Variants in GALR1 observed in about 807,000 individuals in gnomAD.
The protein encoded by GALR1 is galanin receptor type 1.
GALR1 carries 11 observed loss-of-function variants against 17.9 expected under a neutral mutation model. That is an observed-to-expected ratio of 0.62 (90% CI 0.39 to 1.02). The LOEUF (loss-of-function observed/expected upper bound fraction) is 1.02. GALR1 is among the 50% of genes least tolerant of loss of function. GALR1 has a pLI of 0.01. For missense variants in GALR1, 441 were observed against 456.9 expected, an observed-to-expected ratio of 0.97 and a Z score of 0.32; for synonymous variants, 206 against 205.7, an observed-to-expected ratio of 1.00 and a Z score of -0.01.
chr18:77,269,013 C>A lies in GALR1; in HGVS notation c.*111C>A. 1 of 846,356 alleles carries A rather than the reference C, an allele frequency of 1.2e-6. No individual in the cohort carries two copies. The highest frequency in any genetic ancestry group is 1.7e-5 in the South Asian group (1 of 57,880). The allele number at this position is 846,356 out of a possible 1,614,324, so 52.4% of individuals were successfully genotyped here. A position where few individuals can be genotyped will look rare whatever the true frequency, so the allele number is the denominator to read the frequency against. On this transcript the variant is annotated 3_prime_UTR_variant, in exon 3 of 3. Coordinates refer to ENST00000299727, the MANE Select transcript of GALR1 (RefSeq NM_001480.4). The stretch of plus-strand genomic sequence containing the variant: ...GCAACTTGTTATCTTAACAAGAATT[C>A]AAGTCGTTTTAATTAAATCCCACGT...
intron 1 of GALR1, among the ~76,000 whole-genome samples, chr18:77,251,527 C>T (rs1912415942): frequency 6.6e-6 from 1 of 152,242 alleles, no homozygotes; most frequent in Non-Finnish European, 1.5e-5. Context: ...CCCTTCAACG[C>T]CCCCAGGTTG....
chr18:77,258,760 GGCAATTGTGATA>G (rs1912686217), intron 2 of GALR1, among the ~76,000 whole-genome samples: 6 of 92,506 alleles, frequency 6.5e-5, no homozygotes, highest in African/African-American at 2.4e-4. Context: ...TGGTGATGAT[GGCAATTGTGATA>G]GTGATGGTGG....
chr18:77,264,196 T>C (rs1181245568), intron 2 of GALR1, among the ~76,000 whole-genome samples: 6 of 141,542 alleles, frequency 4.2e-5, no homozygotes, highest in African/African-American at 1.3e-4. Context: ...TTTCCCCTCC[T>C]AGCAGTGTGG....
intron 2 of GALR1, among the ~76,000 whole-genome samples, chr18:77,264,637 G>T (rs1003704172): frequency 2.6e-5 from 4 of 152,146 alleles, no homozygotes; most frequent in African/African-American, 9.7e-5. Flanking sequence ...ACATACCCAA[G>T]ACTGGGTAAT....
chr18:77,250,478 A>AC lies in GALR1; in HGVS notation c.-66dup. ...GTGCTTTGCGCCGGGACCCCTGGCC[A>AC]CCCCCGGCGCCTACTATCCCGCCCT... On this transcript the variant is annotated 5_prime_UTR_variant, in exon 1 of 3. Transcript: ENST00000299727. 1 of 1,384,560 alleles carries AC rather than the reference A, an allele frequency of 7.2e-7. No individual in the cohort carries two copies. Among genetic ancestry groups the AC allele is most frequent in the Non-Finnish European group, 9.3e-7 (1 of 1,073,744 alleles). The allele number at this position is 1,384,560 out of a possible 1,614,324, so 85.8% of individuals were successfully genotyped here.
At chr18:77,267,656 G>T (rs181425141) in intron 2 of GALR1, among the ~76,000 whole-genome samples, 35 of 152,326 alleles carry the variant, frequency 2.3e-4, no homozygotes, top group African/African-American at 7.7e-4. Context: ...CTAGACTCCC[G>T]TAATTAAAGC....
At chr18:77,258,455 A>G (rs933088199) in intron 2 of GALR1, among the ~76,000 whole-genome samples, 4 of 148,682 alleles carry the variant, frequency 2.7e-5, no homozygotes, top group Non-Finnish European at 1.5e-5. Context: ...GGTGGTGGTG[A>G]TGATGGTGGT....
At chr18:77,258,527 GATGGTGGCGATT>G (rs1413518531) in intron 2 of GALR1, among the ~76,000 whole-genome samples, 1 of 149,120 alleles carries the variant, frequency 6.7e-6, no homozygotes, top group Non-Finnish European at 1.5e-5. Flanking sequence ...TCATTGTGGT[GATGGTGGCGATT>G]GTGGTGGTGA....
chr18:77,253,259 TA>T (rs1912513599), intron 1 of GALR1, among the ~76,000 whole-genome samples: 1 of 152,194 alleles, frequency 6.6e-6, no homozygotes, highest in Admixed American at 6.5e-5. Context: ...TTTTATTATT[TA>T]AGGAAAAAGA....
chr18:77,258,339 T>G (rs1269528907), intron 2 of GALR1, among the ~76,000 whole-genome samples: 1 of 152,252 alleles, frequency 6.6e-6, no homozygotes. Context: ...ATTTTCTTTT[T>G]CGTTTTCACA....
In GALR1 at chr18:77,272,023, T is replaced by TCAA. The variant is rs1913075654; in HGVS notation, c.*3121_*3122insCAA. 6.6e-6 allele frequency: 1 copy of TCAA among 152,232 alleles called. No homozygotes were observed. Among genetic ancestry groups the TCAA allele is most frequent in the Non-Finnish European group, 1.5e-5 (1 of 68,040 alleles). The allele number at this position is 152,232 out of a possible 1,614,324, so 9.4% of individuals were successfully genotyped here. A position where few individuals can be genotyped will look rare whatever the true frequency, so the allele number is the denominator to read the frequency against. ...ATACTTTAGGTAAATTACTTTTGCT[T>TCAA]TTAACTAAATTGTTTTATTTTACAC... On this transcript the variant is annotated 3_prime_UTR_variant, in exon 3 of 3. Coordinates refer to ENST00000299727, the MANE Select transcript of GALR1 (RefSeq NM_001480.4).
In GALR1 at chr18:77,251,049, C is replaced by T. The variant is rs139443605; in HGVS notation, c.501C>T (p.Ala167=). ...GCIWALSIAM[A]SPVAYHQGLF... The stretch of plus-strand genomic sequence containing the variant: ...TCTGGGCGCTGTCCATTGCCATGGC[C>T]TCGCCCGTGGCCTACCACCAGGGCC... The change falls in exon 1 of 3, where the codon GCC becomes GCT. Residue 167 remains alanine (A), a synonymous_variant. Coordinates refer to ENST00000299727, the MANE Select transcript of GALR1 (RefSeq NM_001480.4). 16 of 1,607,164 alleles carry T rather than the reference C, an allele frequency of 1.0e-5. No individual in the cohort carries two copies. In the Admixed American group the frequency reaches 2.5e-4, roughly 25 times the overall value.
At chr18:77,261,608 TTGTTACTTTCTGA>T (rs74182695) in intron 2 of GALR1, among the ~76,000 whole-genome samples, 11,382 of 152,216 alleles carry the variant, frequency 0.075, 479 homozygotes, top group Non-Finnish European at 0.088. Context: ...ATTCAGTGTT[TTGTTACTTTCTGA>T]TGTTACTTTC....
At chr18:77,263,546 G>A (rs1342074572) in intron 2 of GALR1, among the ~76,000 whole-genome samples, 2 of 152,156 alleles carry the variant, frequency 1.3e-5, no homozygotes, top group African/African-American at 2.4e-5. Context: ...CCTGCTGTCA[G>A]TCCTGGGGTC....
chr18:77,256,273 A>G (rs751739328), intron 2 of GALR1, 50 bp downstream of exon 2: 3 of 1,096,200 alleles, frequency 2.7e-6, no homozygotes, highest in Non-Finnish European at 4.1e-6. Flanking sequence ...AGCTTAGTTT[A>G]CCTTTGTTTT....
rs1360672941 is a variant in GALR1 at position 77,269,652 on chromosome 18, G to A, written c.*750G>A. 6.6e-6 allele frequency: 1 copy of A among 152,146 alleles called. No individual in the cohort carries two copies. The highest frequency in any genetic ancestry group is 1.5e-5 in the Non-Finnish European group (1 of 68,022). 9.4% of individuals were successfully genotyped at this position (152,146 alleles called of 1,614,324 possible). A position where few individuals can be genotyped will look rare whatever the true frequency, so the allele number is the denominator to read the frequency against. ...AGTCAGAGACCACTGTCTTAACAGT[G>A]GAAGATGCAAATAAGTTTTTGAGAA... On this transcript the variant is annotated 3_prime_UTR_variant, in exon 3 of 3. Transcript: ENST00000299727.
In GALR1 at chr18:77,256,149, G is replaced by A. The variant is rs771338384; in HGVS notation, c.667-9G>A. On this transcript the variant is annotated splice_polypyrimidine_tract_variant and intron_variant, in intron 1 of 2. Transcript: ENST00000299727. The stretch of plus-strand genomic sequence containing the variant: ...AGGCGAACTGATTTCAATAGTCTGT[G>A]TCTTTCAGGTCCTTAATCACTTGCA... 3 of 1,571,674 alleles carry A rather than the reference G, an allele frequency of 1.9e-6. No individual in the cohort carries two copies. The highest frequency in any genetic ancestry group is 1.1e-5 in the South Asian group (1 of 89,934).
chr18:77,253,466 C>G lies in GALR1; in HGVS notation c.666+2252C>G, dbSNP rs908646085. On this transcript the variant is annotated intron_variant, in intron 1 of 2. Transcript: ENST00000299727. ...CTGTGGAGAACTGAAGCACACGCTT[C>G]CTTATTTCCCCAAAGCCTTCAGGGA... is the stretch of plus-strand genomic sequence containing the variant. Among the ~76,000 whole-genome samples the G allele has an allele frequency of 3.9e-5, 6 of 152,166 alleles. No individual in the cohort carries two copies. The East Asian group carries it at 1.2e-3, about 29-fold the overall frequency.
At chr18:77,265,148 C>A (rs376119365) in intron 2 of GALR1, among the ~76,000 whole-genome samples, 1 of 152,148 alleles carries the variant, frequency 6.6e-6, no homozygotes, top group African/African-American at 2.4e-5. Context: ...ATCAAAAGCA[C>A]GTACCTATTA....
Sources: allele counts gnomAD v4.1 joint callset (sites outside exome capture counted in the v4.1 genomes callset), GRCh38; gene constraint gnomAD v4.1.1; transcripts MANE v1.5; gene names NCBI Gene and HGNC (gene_info 2026-07-23, HGNC 2026-07-21).